SLC35F1: variants seen among roughly 807,000 people sequenced by gnomAD.
SLC35F1 encodes solute carrier family 35 member F1, also known as chromosome 6 open reading frame 169.
In SLC35F1, 14 loss-of-function variants were observed where a neutral mutation model predicts 48.7. The ratio of observed to expected loss-of-function variants is 0.29; its 90% CI spans 0.19 to 0.45. The LOEUF is 0.45. Ranked by LOEUF, SLC35F1 falls within the 20% of genes least tolerant of loss-of-function variation. SLC35F1 has a pLI of 1.00. For missense variants in SLC35F1, 404 were observed against 500.0 expected (o/e 0.81, Z 1.83); for synonymous variants, 190 against 202.2 (o/e 0.94, Z 0.51).
At chr6:118,161,974 T>A (rs1015626341) in intron 2 of SLC35F1, among the ~76,000 whole-genome samples, 4 of 152,226 alleles carry the variant, frequency 2.6e-5, no homozygotes, top group African/African-American at 9.6e-5. Context: ...GTCATTGTCT[T>A]ATAAGGTTAA....
intron 1 of SLC35F1, among the ~76,000 whole-genome samples, chr6:117,967,835 T>A (rs1454242366): frequency 2.0e-5 from 3 of 152,316 alleles, no homozygotes; most frequent in Non-Finnish European, 2.9e-5. Context: ...CAATCCAATA[T>A]GAGCATAATA....
chr6:118,279,006 T>C (rs2114634501), intron 6 of SLC35F1, among the ~76,000 whole-genome samples: 1 of 152,316 alleles, frequency 6.6e-6, no homozygotes, highest in African/African-American at 2.4e-5. Context: ...TAGTTGAAGA[T>C]GATGAAGGAC....
intron 1 of SLC35F1, among the ~76,000 whole-genome samples, chr6:117,909,789 C>G (rs980829816): frequency 6.6e-6 from 1 of 152,064 alleles, no homozygotes; most frequent in Non-Finnish European, 1.5e-5. Flanking sequence ...AGTCATGCTA[C>G]GTTATGGGTA....
chr6:118,004,070 A>G (rs1196865438), intron 1 of SLC35F1, among the ~76,000 whole-genome samples: 1 of 152,202 alleles, frequency 6.6e-6, no homozygotes, highest in Admixed American at 6.5e-5. Context: ...TATTGTTATT[A>G]TTTATCAGTC....
chr6:118,076,210 A>G (rs1772815790), intron 1 of SLC35F1, among the ~76,000 whole-genome samples: 1 of 152,246 alleles, frequency 6.6e-6, no homozygotes, highest in South Asian at 2.1e-4. Context: ...TACATAAATT[A>G]TAGTTTTCTA....
intron 1 of SLC35F1, among the ~76,000 whole-genome samples, chr6:117,919,623 C>G (rs936234338): frequency 2.0e-5 from 3 of 152,034 alleles, no homozygotes; most frequent in African/African-American, 7.2e-5. Context: ...TGAAACCCAC[C>G]GATCTATGAA....
intron 1 of SLC35F1, among the ~76,000 whole-genome samples, chr6:117,972,579 T>C (rs1405061195): frequency 1.3e-5 from 2 of 152,224 alleles, no homozygotes; most frequent in African/African-American, 4.8e-5. Context: ...CTCACAATCA[T>C]GGCAGAAGGC....
chr6:117,988,524 A>C (rs952336249), intron 1 of SLC35F1, among the ~76,000 whole-genome samples: 31 of 152,336 alleles, frequency 2.0e-4, no homozygotes, highest in African/African-American at 7.2e-4. Context: ...TCCCAGAGCC[A>C]GCCCCTCAAC....
intron 2 of SLC35F1, among the ~76,000 whole-genome samples, chr6:118,166,889 T>C (rs1330081673): frequency 6.6e-6 from 1 of 152,200 alleles, no homozygotes; most frequent in Non-Finnish European, 1.5e-5. Flanking sequence ...TTTATACTTT[T>C]AGTTCTGAAG....
chr6:118,302,085 T>C (rs937767421), intron 7 of SLC35F1, among the ~76,000 whole-genome samples: 1 of 152,210 alleles, frequency 6.6e-6, no homozygotes, highest in African/African-American at 2.4e-5. Flanking sequence ...ATTTGAGTTC[T>C]TGGTGGCATC....
At position 117,907,890 on chromosome 6, in the gene SLC35F1, T is replaced by G; in HGVS notation, c.164T>G (p.Val55Gly). ...RAGVRQRIRKVLNREMLISVA... is the reference protein window; with the variant it reads ...RAGVRQRIRKGLNREMLISVA... The stretch of plus-strand genomic sequence containing the variant: ...GGCGTGCGCCAGAGGATCCGCAAAG[T>G]GCTGAACAGGTGAGCGGCGGCGCCG... The change falls in exon 1 of 8, where the codon GTG becomes GGG. Residue 55 changes from valine (V) to glycine (G), a missense_variant. This residue lies in a region of SLC35F1 where 98 missense variants were observed against 81.0 expected (regional missense o/e 1.21). Coordinates refer to ENST00000360388, the MANE Select transcript of SLC35F1 (RefSeq NM_001029858.4). 6.9e-7 allele frequency: 1 copy of G among 1,442,566 alleles called. No homozygotes were observed. Among genetic ancestry groups the G allele is most frequent in the Non-Finnish European group, 9.0e-7 (1 of 1,106,062 alleles). The allele number at this position is 1,442,566 out of a possible 1,614,324, so 89.4% of individuals were successfully genotyped here.
chr6:118,176,212 G>A (rs972816830), intron 2 of SLC35F1, among the ~76,000 whole-genome samples: 2 of 151,978 alleles, frequency 1.3e-5, no homozygotes, highest in African/African-American at 2.4e-5. Flanking sequence ...CACACCCCAC[G>A]CACACTTTTC....
At chr6:118,305,573 T>C (rs1472150510) in intron 7 of SLC35F1, among the ~76,000 whole-genome samples, 2 of 152,150 alleles carry the variant, frequency 1.3e-5, no homozygotes, top group African/African-American at 2.4e-5. Flanking sequence ...CTATCCTGCA[T>C]ACAATTAGAA....
intron 1 of SLC35F1, among the ~76,000 whole-genome samples, chr6:118,058,003 A>G (rs73766425): frequency 6.6e-6 from 1 of 152,100 alleles, no homozygotes; most frequent in Non-Finnish European, 1.5e-5. Context: ...GGGCTAGGAA[A>G]GCATCCACGC....
chr6:118,302,902 C>G (rs1482655262), intron 7 of SLC35F1, among the ~76,000 whole-genome samples: 1 of 150,488 alleles, frequency 6.6e-6, no homozygotes, highest in African/African-American at 2.5e-5. Flanking sequence ...CCATGATACT[C>G]TGGAATTTAA....
chr6:118,284,772 T>C (rs1412559012), intron 6 of SLC35F1, among the ~76,000 whole-genome samples: 2 of 152,154 alleles, frequency 1.3e-5, no homozygotes, highest in Non-Finnish European at 2.9e-5. Context: ...TTGTGGGCAA[T>C]ACATGATAGC....
At chr6:118,200,951 C>T (rs7767162) in intron 2 of SLC35F1, among the ~76,000 whole-genome samples, 4 of 152,164 alleles carry the variant, frequency 2.6e-5, no homozygotes, top group African/African-American at 7.2e-5. Flanking sequence ...AATGACGTGA[C>T]GATTGCTCAC....
rs376960628 is a variant in SLC35F1, at chr6:118,274,617, C to T, written c.638-842C>T. Among the ~76,000 whole-genome samples the T allele has an allele frequency of 1.6e-3, 247 of 152,206 alleles. 1 individual carries two copies. The highest frequency in any genetic ancestry group is 5.8e-3 in the African/African-American group (241 of 41,540). ...TTTGCCATATTGGCCAGGCTGGTCT[C>T]GAACTCCTGATGTCAGGTGATCCAC... On this transcript the variant is annotated intron_variant, in intron 4 of 7. Transcript: ENST00000360388.
chr6:118,015,050 C>G (rs1045551762), intron 1 of SLC35F1, among the ~76,000 whole-genome samples: 1 of 152,182 alleles, frequency 6.6e-6, no homozygotes, highest in Non-Finnish European at 1.5e-5. Context: ...CTCATGACAT[C>G]TCATGGTTTT....
Sources: gnomAD v4.1 joint callset for allele counts (sites outside exome capture counted in the v4.1 genomes callset) on GRCh38, gnomAD v4.1.1 for gene constraint, gnomAD v4.1.1 regional missense constraint, MANE v1.5 for transcripts, NCBI Gene and HGNC (gene_info 2026-07-23, HGNC 2026-07-21) for gene names.